Variants in WWTR1 observed in about 807,000 individuals in gnomAD.
The protein encoded by WWTR1 is WW domain-containing transcription regulator protein 1.
A neutral mutation model predicts 40.1 loss-of-function variants in WWTR1; 13 were observed. The ratio of observed to expected loss-of-function variants is 0.32; its 90% CI spans 0.21 to 0.52. The LOEUF (loss-of-function observed/expected upper bound fraction) is 0.52. Ranked by LOEUF, WWTR1 falls within the 20% of genes least tolerant of loss-of-function variation. The pLI, the probability that WWTR1 is intolerant of heterozygous loss-of-function variation, is 0.97. For missense variants in WWTR1, 436 were observed against 523.1 expected (o/e 0.83, Z 1.63); for synonymous variants, 230 against 210.1 (o/e 1.09, Z -0.82).
chr3:149,567,524 T>C (rs1176533856), intron 3 of WWTR1, among the ~76,000 whole-genome samples: 1 of 152,170 alleles, frequency 6.6e-6, no homozygotes, highest in Non-Finnish European at 1.5e-5. Flanking sequence ...CAAACAAATA[T>C]AAGTTGCAGT....
chr3:149,574,837 C>T (rs1576572190), intron 2 of WWTR1, among the ~76,000 whole-genome samples: 1 of 150,978 alleles, frequency 6.6e-6, no homozygotes, highest in Non-Finnish European at 1.5e-5. Flanking sequence ...GCTCACGCCT[C>T]TAATCCCAGC....
intron 2 of WWTR1, among the ~76,000 whole-genome samples, chr3:149,648,333 T>C (rs1477653477): frequency 6.6e-6 from 1 of 152,160 alleles, no homozygotes; most frequent in Non-Finnish European, 1.5e-5. Context: ...ACACCTACTA[T>C]GTGCCAGGCA....
intron 1 of WWTR1, among the ~76,000 whole-genome samples, chr3:149,690,705 T>C (rs1714795265): frequency 6.6e-6 from 1 of 152,146 alleles, no homozygotes; most frequent in Admixed American, 6.5e-5. Flanking sequence ...ATTGCACAGA[T>C]CATCCAGACA....
intron 2 of WWTR1, among the ~76,000 whole-genome samples, chr3:149,642,037 A>G (rs980414076): frequency 1.3e-5 from 2 of 152,244 alleles, no homozygotes; most frequent in Non-Finnish European, 1.5e-5. Flanking sequence ...CTACAGCTCA[A>G]CTTTTAGGTA....
At position 149,657,166 on chromosome 3, in the gene WWTR1, G is replaced by T; in HGVS notation, c.141C>A (p.Ile47=). The T allele has an allele frequency of 6.2e-7, 1 of 1,608,288 alleles. No individual in the cohort carries two copies. Among genetic ancestry groups the T allele is most frequent in the Non-Finnish European group, 8.5e-7 (1 of 1,177,902 alleles). The change falls in exon 2 of 7, where the codon ATC becomes ATA. Residue 47 remains isoleucine, a synonymous_variant. Coordinates refer to ENST00000360632, the MANE Select transcript of WWTR1 (RefSeq NM_015472.6). ...GCTCCTTAAAGAAAGACTCCGGCAGGATCTTCTTCCGCCACGAGCTAGGCT... is the reference window on the plus strand; with the variant it reads ...GCTCCTTAAAGAAAGACTCCGGCAGTATCTTCTTCCGCCACGAGCTAGGCT... ...NPKPSSWRKK[I]LPESFFKEPD...
chr3:149,678,636 C>CT (rs1390242890), intron 1 of WWTR1, among the ~76,000 whole-genome samples: 3 of 152,072 alleles, frequency 2.0e-5, no homozygotes, highest in African/African-American at 7.2e-5. Flanking sequence ...GTATCAATTT[C>CT]TTTATGTACC....
intron 5 of WWTR1, among the ~76,000 whole-genome samples, chr3:149,713,791 G>C (rs549651105): frequency 6.4e-4 from 97 of 152,344 alleles, no homozygotes; most frequent in African/African-American, 2.3e-3. Flanking sequence ...AGCGGCTGTG[G>C]GAGTGACAGT....
intron 2 of WWTR1, among the ~76,000 whole-genome samples, chr3:149,647,999 C>A (rs1712632716): frequency 6.6e-6 from 1 of 152,206 alleles, no homozygotes. Context: ...CTCAAAAACA[C>A]ACCCTCAGCA....
At chr3:149,523,184 A>T (rs942479318) in intron 6 of WWTR1, among the ~76,000 whole-genome samples, 4 of 152,120 alleles carry the variant, frequency 2.6e-5, no homozygotes, top group African/African-American at 9.7e-5. Context: ...CTGCAATCTC[A>T]TAGTAATCTT....
At chr3:149,524,476 G>T (rs1735198569) in intron 6 of WWTR1, among the ~76,000 whole-genome samples, 1 of 151,798 alleles carries the variant, frequency 6.6e-6, no homozygotes, top group South Asian at 2.1e-4. Flanking sequence ...ACTTCCTAAG[G>T]CTATTCCAAA....
At chr3:149,711,726 A>G (rs1576649591) in intron 5 of WWTR1, among the ~76,000 whole-genome samples, 1 of 152,150 alleles carries the variant, frequency 6.6e-6, no homozygotes, top group South Asian at 2.1e-4. Flanking sequence ...TTCTTAAAAC[A>G]TTTTCTTCTC....
intron 1 of WWTR1, among the ~76,000 whole-genome samples, chr3:149,691,875 G>A (rs1454583755): frequency 6.6e-6 from 1 of 152,194 alleles, no homozygotes; most frequent in Middle Eastern, 3.4e-3. Context: ...AATTAGCCGG[G>A]CGTGGTGGCA....
chr3:149,699,855 A>G (rs1247073679), intron 1 of WWTR1, among the ~76,000 whole-genome samples: 1 of 151,796 alleles, frequency 6.6e-6, no homozygotes, highest in Non-Finnish European at 1.5e-5. Flanking sequence ...AACTCTTCCA[A>G]CCTCTGCCTG....
At position 149,547,360 on chromosome 3, in the gene WWTR1, A is replaced by T. The variant is rs190245144; in HGVS notation, c.569-4823T>A. Reference sequence around the variant, plus strand: ...GCCAACACAGTAAAACCCCGTCTCTACTAAAAATACAAAAAATTATCTGGG... The same window carrying T: ...GCCAACACAGTAAAACCCCGTCTCTTCTAAAAATACAAAAAATTATCTGGG... On this transcript the variant is annotated intron_variant, in intron 3 of 6. Coordinates refer to ENST00000360632, the MANE Select transcript of WWTR1 (RefSeq NM_015472.6). 2.6e-4 allele frequency among the ~76,000 whole-genome samples: 39 copies of T among 152,126 alleles called. No individual in the cohort carries two copies. In the East Asian group the frequency reaches 7.2e-3, roughly 28 times the overall value.
chr3:149,638,203 C>T (rs766890685), intron 2 of WWTR1, among the ~76,000 whole-genome samples: 2 of 151,590 alleles, frequency 1.3e-5, no homozygotes, highest in Non-Finnish European at 2.9e-5. Flanking sequence ...GCAACAAGAG[C>T]GAAACTTTGT....
At chr3:149,535,885 C>T (rs1211419333) in intron 4 of WWTR1, among the ~76,000 whole-genome samples, 2 of 152,034 alleles carry the variant, frequency 1.3e-5, no homozygotes, top group Non-Finnish European at 2.9e-5. Context: ...TGATGATGCG[C>T]ACCTGTAATC....
chr3:149,678,872 G>T (rs1338036565), intron 1 of WWTR1, among the ~76,000 whole-genome samples: 2 of 150,196 alleles, frequency 1.3e-5, no homozygotes, highest in Non-Finnish European at 3.0e-5. Context: ...GCCCAAGCTG[G>T]AGTGCAATGG....
At chr3:149,600,598 T>C (rs1055915935) in intron 2 of WWTR1, among the ~76,000 whole-genome samples, 1 of 152,208 alleles carries the variant, frequency 6.6e-6, no homozygotes, top group African/African-American at 2.4e-5. Context: ...CCTTCCTTTA[T>C]ACATTAGTGG....
At chr3:149,522,050 A>G (rs919840075) in intron 6 of WWTR1, among the ~76,000 whole-genome samples, 2 of 152,236 alleles carry the variant, frequency 1.3e-5, no homozygotes, top group African/African-American at 2.4e-5. Flanking sequence ...GCCACTATTA[A>G]TTACACAATA....
Sources: allele counts gnomAD v4.1 joint callset (sites outside exome capture counted in the v4.1 genomes callset), GRCh38; gene constraint gnomAD v4.1.1; transcripts MANE v1.5; gene names NCBI Gene and HGNC (gene_info 2026-07-23, HGNC 2026-07-21).